C12orf42: variants seen among roughly 807,000 people sequenced by gnomAD.
The protein encoded by C12orf42 is uncharacterized protein C12orf42.
In C12orf42, 25 loss-of-function variants were observed where a neutral mutation model predicts 21.6. That is an observed-to-expected ratio of 1.16 (90% CI 0.84 to 1.62). The LOEUF (loss-of-function observed/expected upper bound fraction) is 1.62, where lower values mean the gene tolerates loss of function less well. Ranked by LOEUF, C12orf42 falls within the 40% of genes most tolerant of loss-of-function variation. The pLI is 0.00. For missense variants in C12orf42, 483 were observed against 459.3 expected (o/e 1.05, Z -0.47); for synonymous variants, 174 against 175.0 (o/e 0.99, Z 0.05).
chr12:103,316,655 CTTTATT>C (rs2039528781), intron 4 of C12orf42, among the ~76,000 whole-genome samples: 2 of 152,104 alleles, frequency 1.3e-5, no homozygotes, highest in South Asian at 4.1e-4. Context: ...CCTTTTCCTG[CTTTATT>C]TTTATTTGAT....
At chr12:103,505,495 G>T in the C12orf42 span, 3 of 389,138 alleles carry the variant, frequency 7.7e-6, no homozygotes, top group Non-Finnish European at 9.7e-6. Context: ...ACGTGGTAGG[G>T]ACGGCATTTA....
the C12orf42 span, among the ~76,000 whole-genome samples, chr12:103,208,320 G>T: frequency 6.6e-6 from 1 of 152,096 alleles, no homozygotes. Context: ...GGGGCTGATG[G>T]CTCCCCACAC....
intron 2 of C12orf42, among the ~76,000 whole-genome samples, chr12:103,423,793 A>C (rs893490926): frequency 3.9e-5 from 6 of 152,208 alleles, no homozygotes; most frequent in Non-Finnish European, 8.8e-5. Context: ...AGTTTCAAAA[A>C]AAGAATTATG....
intron 4 of C12orf42, among the ~76,000 whole-genome samples, chr12:103,340,241 G>A (rs2042052379): frequency 6.6e-6 from 1 of 152,218 alleles, no homozygotes; most frequent in South Asian, 2.1e-4. Flanking sequence ...CAAGTATTCA[G>A]CAGAGTATTG....
the C12orf42 span, among the ~76,000 whole-genome samples, chr12:103,201,592 T>C: frequency 1.4e-3 from 215 of 152,274 alleles, no homozygotes; most frequent in African/African-American, 4.8e-3. Flanking sequence ...TGAATGACCA[T>C]AGAATGGTCA....
chr12:103,097,316 T>C, the C12orf42 span, among the ~76,000 whole-genome samples: 1 of 152,166 alleles, frequency 6.6e-6, no homozygotes, highest in African/African-American at 2.4e-5. Context: ...TACAGAGAGC[T>C]ATATATAGCA....
chr12:103,425,882 C>A (rs1452983813), intron 2 of C12orf42, among the ~76,000 whole-genome samples: 2 of 151,816 alleles, frequency 1.3e-5, no homozygotes, highest in Non-Finnish European at 2.9e-5. Flanking sequence ...TCCTACTTCC[C>A]AGTGGCTTTG....
chr12:103,159,261 GCC>G, the C12orf42 span, among the ~76,000 whole-genome samples: 1 of 152,042 alleles, frequency 6.6e-6, no homozygotes, highest in Non-Finnish European at 1.5e-5. Flanking sequence ...TTTACCTCTT[GCC>G]CACAGTCACA....
chr12:103,133,933 GC>G, the C12orf42 span, among the ~76,000 whole-genome samples: 1 of 152,168 alleles, frequency 6.6e-6, no homozygotes, highest in Non-Finnish European at 1.5e-5. Context: ...TTCCCCTTCT[GC>G]CATGATTGTA....
At chr12:103,227,722 G>A in the C12orf42 span, among the ~76,000 whole-genome samples, 1 of 152,114 alleles carries the variant, frequency 6.6e-6, no homozygotes, top group Non-Finnish European at 1.5e-5. Context: ...TTGAAACGTG[G>A]GTGTATAATC....
the C12orf42 span, among the ~76,000 whole-genome samples, chr12:103,534,785 G>C: frequency 2.0e-5 from 3 of 152,150 alleles, no homozygotes; most frequent in South Asian, 6.2e-4. Context: ...AGAAATGTTT[G>C]TATAGCCAAC....
At chr12:103,073,375 C>T in the C12orf42 span, among the ~76,000 whole-genome samples, 1 of 152,106 alleles carries the variant, frequency 6.6e-6, no homozygotes, top group Non-Finnish European at 1.5e-5. Flanking sequence ...AATGCTCCCT[C>T]AGTGGCCAGC....
the C12orf42 span, among the ~76,000 whole-genome samples, chr12:103,086,210 A>G: frequency 1.3e-5 from 2 of 152,138 alleles, no homozygotes; most frequent in East Asian, 3.9e-4. Context: ...TAACAAAACA[A>G]TCAGAGAATT....
chr12:103,149,515 C>T, the C12orf42 span, among the ~76,000 whole-genome samples: 4 of 152,132 alleles, frequency 2.6e-5, no homozygotes, highest in Non-Finnish European at 5.9e-5. Context: ...CAAATCTTAT[C>T]TTAAATTGCA....
chr12:103,386,097 C>A (rs919139044), intron 3 of C12orf42, among the ~76,000 whole-genome samples: 9 of 152,202 alleles, frequency 5.9e-5, no homozygotes. Context: ...GTTATTATTA[C>A]CACATATGCA....
intron 10 of C12orf42, among the ~76,000 whole-genome samples, chr12:103,247,890 T>G (rs2034090105): frequency 6.6e-6 from 1 of 152,072 alleles, no homozygotes; most frequent in African/African-American, 2.4e-5. Flanking sequence ...CCAGGCACTA[T>G]GCTCAACCCT....
At chr12:103,098,881 G>C in the C12orf42 span, among the ~76,000 whole-genome samples, 1 of 152,168 alleles carries the variant, frequency 6.6e-6, no homozygotes, top group Non-Finnish European at 1.5e-5. Context: ...AAAGCAACTG[G>C]GTGGATTTGA....
chr12:103,333,193 T>C (rs1291610885), intron 4 of C12orf42, among the ~76,000 whole-genome samples: 1 of 152,220 alleles, frequency 6.6e-6, no homozygotes, highest in Non-Finnish European at 1.5e-5. Context: ...GTGATTGAGA[T>C]GATGAACTTT....
the C12orf42 span, among the ~76,000 whole-genome samples, chr12:103,194,061 G>T: frequency 6.6e-6 from 1 of 151,806 alleles, no homozygotes; most frequent in Non-Finnish European, 1.5e-5. Context: ...ATTAACAAAT[G>T]AAGGATAAAA....
Sources: allele counts gnomAD v4.1 joint callset (sites outside exome capture counted in the v4.1 genomes callset), GRCh38; gene constraint gnomAD v4.1.1; transcripts MANE v1.5; gene names NCBI Gene and HGNC (gene_info 2026-07-23, HGNC 2026-07-21).